Variants in PRKCE observed in about 807,000 individuals in gnomAD.
PRKCE encodes protein kinase C epsilon type.
PRKCE carries 16 observed loss-of-function variants against 85.4 expected under a neutral mutation model. The ratio of observed to expected loss-of-function variants is 0.19; its 90% CI spans 0.13 to 0.28. The LOEUF (loss-of-function observed/expected upper bound fraction) is 0.28. Among genes scored for constraint, PRKCE ranks in the 10% least tolerant of loss-of-function variants. The pLI, the probability that PRKCE is intolerant of heterozygous loss-of-function variation, is 1.00. For synonymous variants in PRKCE, 388 were observed against 371.5 expected (o/e 1.04, Z -0.51); for missense variants, 573 against 975.2 (o/e 0.59, Z 5.49).
In PRKCE at chr2:45,710,231, C is replaced by T. The variant is rs79882874; in HGVS notation, c.348+57783C>T. On this transcript the variant is annotated intron_variant, in intron 1 of 14. Transcript: ENST00000306156. Reference sequence around the variant, plus strand: ...AGGTACTATCACTATCCTCATATGACGGGTAAGAACACTGAGGCCCAGCCT... The same window carrying T: ...AGGTACTATCACTATCCTCATATGATGGGTAAGAACACTGAGGCCCAGCCT... 3.8e-3 allele frequency among the ~76,000 whole-genome samples: 581 copies of T among 152,306 alleles called. 3 individuals are homozygous for T. Among genetic ancestry groups the T allele is most frequent in the African/African-American group, 0.013 (543 of 41,538 alleles).
At chr2:45,880,505 CT>C (rs975872572) in intron 2 of PRKCE, among the ~76,000 whole-genome samples, 18 of 152,118 alleles carry the variant, frequency 1.2e-4, no homozygotes, top group African/African-American at 4.1e-4. Flanking sequence ...TATCTTAGGT[CT>C]CCTTGTTTTA....
chr2:45,721,590 G>A (rs112304421), intron 1 of PRKCE, among the ~76,000 whole-genome samples: 1 of 152,110 alleles, frequency 6.6e-6, no homozygotes, highest in Non-Finnish European at 1.5e-5. Flanking sequence ...ACATAGATGA[G>A]AGTTGACATG....
intron 10 of PRKCE, among the ~76,000 whole-genome samples, chr2:46,012,469 T>G (rs2104811582): frequency 6.6e-6 from 1 of 152,280 alleles, no homozygotes; most frequent in Non-Finnish European, 1.5e-5. Context: ...TGATTCACAT[T>G]GCTAGTTTCT....
chr2:45,937,955 C>G (rs1243051106), intron 2 of PRKCE, among the ~76,000 whole-genome samples: 1 of 152,154 alleles, frequency 6.6e-6, no homozygotes, highest in African/African-American at 2.4e-5. Flanking sequence ...GGACCCAAGG[C>G]CCATTCGCCC....
intron 2 of PRKCE, among the ~76,000 whole-genome samples, chr2:45,869,068 T>G (rs1469737331): frequency 2.0e-5 from 3 of 152,194 alleles, no homozygotes; most frequent in Non-Finnish European, 4.4e-5. Flanking sequence ...AAAAGTTCAT[T>G]TGGTGCATGG....
chr2:46,059,570 G>C (rs531866367), intron 10 of PRKCE, among the ~76,000 whole-genome samples: 10 of 152,318 alleles, frequency 6.6e-5, no homozygotes, highest in African/African-American at 2.4e-4. Flanking sequence ...CATTTGCAGA[G>C]ATTAGTTATT....
intron 1 of PRKCE, among the ~76,000 whole-genome samples, chr2:45,759,659 G>T (rs991209397): frequency 6.6e-6 from 1 of 152,214 alleles, no homozygotes; most frequent in African/African-American, 2.4e-5. Context: ...TGTAAGTATA[G>T]AAGTGCCTCG....
chr2:46,174,075 A>G (rs1448478442), intron 14 of PRKCE, among the ~76,000 whole-genome samples: 2 of 152,220 alleles, frequency 1.3e-5, no homozygotes, highest in Non-Finnish European at 2.9e-5. Context: ...GAAAATAGAT[A>G]TGTGTGTCTA....
chr2:46,050,078 G>A (rs554446545), intron 10 of PRKCE, among the ~76,000 whole-genome samples: 6 of 152,338 alleles, frequency 3.9e-5, no homozygotes, highest in African/African-American at 9.6e-5. Flanking sequence ...CCCATTGCCC[G>A]CCCTGCTGCC....
chr2:45,902,670 G>A (rs72802807), intron 2 of PRKCE, among the ~76,000 whole-genome samples: 2,462 of 152,282 alleles, frequency 0.016, 35 homozygotes, highest in Non-Finnish European at 0.027. Flanking sequence ...GACTACACTG[G>A]TCTGGGAGCT....
chr2:46,052,545 A>G (rs1406839731), intron 10 of PRKCE, among the ~76,000 whole-genome samples: 3 of 152,258 alleles, frequency 2.0e-5, no homozygotes, highest in Non-Finnish European at 1.5e-5. Context: ...GAGAAGACAC[A>G]GTATTATTAA....
chr2:45,976,549 G>A lies in PRKCE; in HGVS notation c.533G>A (p.Arg178Gln). The A allele has an allele frequency of 1.3e-6, 2 of 1,599,752 alleles. No homozygotes were observed. Among genetic ancestry groups the A allele is most frequent in the Non-Finnish European group, 1.7e-6 (2 of 1,179,964 alleles). ...CACAAGTTCATGGCCACCTATCTTC[G>A]GCAGCCCACCTACTGCTCCCATTGC... ...NGHKFMATYL[R>Q]QPTYCSHCRD... The change falls in exon 3 of 15, where the codon CGG becomes CAG. Residue 178 changes from arginine to glutamine, a missense_variant. Arg to Gln is a conservative substitution (Grantham distance 43, BLOSUM62 1). Around this residue, in one of 11 missense-constraint regions of PRKCE, gnomAD observed 29 missense variants for 96.2 expected, o/e 0.30. Transcript: ENST00000306156.
intron 6 of PRKCE, among the ~76,000 whole-genome samples, chr2:45,985,853 G>C (rs1703282135): frequency 6.6e-6 from 1 of 152,248 alleles, no homozygotes; most frequent in Non-Finnish European, 1.5e-5. Flanking sequence ...TTGACACGAA[G>C]CTGTCCACCT....
At chr2:45,966,946 G>T (rs1455415452) in intron 2 of PRKCE, among the ~76,000 whole-genome samples, 1 of 152,198 alleles carries the variant, frequency 6.6e-6, no homozygotes, top group Non-Finnish European at 1.5e-5. Context: ...GTTTCTGGAA[G>T]TCAGTATTGG....
chr2:45,985,251 T>G (rs1258031563), intron 6 of PRKCE, among the ~76,000 whole-genome samples: 1 of 152,174 alleles, frequency 6.6e-6, no homozygotes, highest in East Asian at 1.9e-4. Context: ...GAAGTAGGAT[T>G]TGAACCTTGA....
At chr2:45,889,876 G>T (rs1021092958) in intron 2 of PRKCE, among the ~76,000 whole-genome samples, 16 of 152,320 alleles carry the variant, frequency 1.1e-4, no homozygotes, top group African/African-American at 3.4e-4. Context: ...GCAACTGCAT[G>T]AGCCGTGCAG....
chr2:46,011,314 A>T (rs1705653312), intron 10 of PRKCE, among the ~76,000 whole-genome samples: 1 of 152,234 alleles, frequency 6.6e-6, no homozygotes, highest in South Asian at 2.1e-4. Flanking sequence ...GGGTGACATC[A>T]TGGAGAGGTG....
chr2:45,932,330 T>A (rs968190717), intron 2 of PRKCE, among the ~76,000 whole-genome samples: 1 of 152,238 alleles, frequency 6.6e-6, no homozygotes, highest in African/African-American at 2.4e-5. Flanking sequence ...CATGCACTTG[T>A]TTCCAGTTTA....
chr2:45,861,732 A>T (rs1189655785), intron 2 of PRKCE, among the ~76,000 whole-genome samples: 1 of 152,162 alleles, frequency 6.6e-6, no homozygotes. Flanking sequence ...TCACTGATGA[A>T]CCTGCCTAGG....
Sources: allele counts gnomAD v4.1 joint callset (sites outside exome capture counted in the v4.1 genomes callset), GRCh38; gene constraint gnomAD v4.1.1; regional missense constraint gnomAD v4.1.1; transcripts MANE v1.5; gene names NCBI Gene and HGNC (gene_info 2026-07-23, HGNC 2026-07-21).